The following SRBD1 variants were observed in gnomAD, a reference collection of about 807,000 sequenced individuals.
SRBD1 encodes S1 RNA binding domain 1, also known as S1 RNA-binding domain-containing protein 1.
A neutral mutation model predicts 115.3 loss-of-function variants in SRBD1; 88 were observed. The ratio of observed to expected loss-of-function variants is 0.76; its 90% CI spans 0.64 to 0.91. SRBD1 has a LOEUF of 0.91. Ranked by LOEUF, SRBD1 falls within the 40% of genes least tolerant of loss-of-function variation. The pLI, the probability that SRBD1 is intolerant of heterozygous loss-of-function variation, is 0.00. For synonymous variants in SRBD1, 509 were observed against 407.7 expected (o/e 1.25, Z -2.99); for missense variants, 1,385 against 1,177.4 (o/e 1.18, Z -2.58).
chr2:45,438,416 C>A (rs377496344), intron 16 of SRBD1, among the ~76,000 whole-genome samples: 13 of 152,092 alleles, frequency 8.5e-5, no homozygotes, highest in African/African-American at 1.9e-4. Flanking sequence ...CCAGCAGAAA[C>A]CAAACTAGGA....
intron 1 of SRBD1, among the ~76,000 whole-genome samples, chr2:45,610,679 C>T (rs1421146391): frequency 6.6e-6 from 1 of 152,194 alleles, no homozygotes; most frequent in African/African-American, 2.4e-5. Context: ...AGGCGCACTA[C>T]AGAAGGTGCA....
intron 7 of SRBD1, among the ~76,000 whole-genome samples, chr2:45,576,483 A>G (rs1461438337): frequency 2.6e-5 from 4 of 152,214 alleles, no homozygotes; most frequent in Admixed American, 1.3e-4. Flanking sequence ...ACGGTCAATT[A>G]CATTTTAAAG....
At chr2:45,505,890 C>T (rs1029393960) in intron 14 of SRBD1, among the ~76,000 whole-genome samples, 1 of 152,148 alleles carries the variant, frequency 6.6e-6, no homozygotes, top group Non-Finnish European at 1.5e-5. Context: ...TCTGCCTAAT[C>T]CCTCCTCCCA....
intron 14 of SRBD1, among the ~76,000 whole-genome samples, chr2:45,492,360 A>G (rs982705426): frequency 6.6e-6 from 1 of 152,216 alleles, no homozygotes; most frequent in African/African-American, 2.4e-5. Context: ...AAGGAATGTT[A>G]TTATCATTAT....
chr2:45,504,002 C>G (rs1670720207), intron 14 of SRBD1, among the ~76,000 whole-genome samples: 2 of 152,060 alleles, frequency 1.3e-5, no homozygotes, highest in African/African-American at 4.8e-5. Flanking sequence ...AAGCCCTAAG[C>G]AAGAAGCTTT....
chr2:45,551,967 AATG>A (rs1466984334), intron 11 of SRBD1, among the ~76,000 whole-genome samples: 8 of 152,196 alleles, frequency 5.3e-5, no homozygotes, highest in Non-Finnish European at 1.2e-4. Flanking sequence ...CCAGACAAAA[AATG>A]ATGATGTCCT....
intron 14 of SRBD1, among the ~76,000 whole-genome samples, chr2:45,505,271 G>T (rs1316456028): frequency 6.6e-6 from 1 of 152,164 alleles, no homozygotes; most frequent in Non-Finnish European, 1.5e-5. Context: ...CTCACATGTG[G>T]AGCAAGAAGG....
At chr2:45,425,765 T>C (rs2103655046) in intron 16 of SRBD1, among the ~76,000 whole-genome samples, 1 of 152,096 alleles carries the variant, frequency 6.6e-6, no homozygotes, top group African/African-American at 2.4e-5. Flanking sequence ...AGGGAAGCTG[T>C]GAGGGACCGT....
In SRBD1 at chr2:45,573,356, C is replaced by T. The variant is rs751538421; in HGVS notation, c.1170-14G>A. The T allele has an allele frequency of 2.5e-6, 4 of 1,592,068 alleles. No individual in the cohort carries two copies. In the East Asian group the frequency reaches 9.1e-5, roughly 36 times the overall value. On this transcript the variant is annotated splice_polypyrimidine_tract_variant and intron_variant, in intron 8 of 20. Transcript: ENST00000263736. Reference sequence around the variant, plus strand: ...CTCTTCTGGCACCTGTTCAGATACACAAGTGTTCAAAAAACAAGCAGTTAT... The same window carrying T: ...CTCTTCTGGCACCTGTTCAGATACATAAGTGTTCAAAAAACAAGCAGTTAT...
intron 15 of SRBD1, among the ~76,000 whole-genome samples, chr2:45,486,975 A>C (rs989139751): frequency 1.3e-5 from 2 of 152,070 alleles, no homozygotes; most frequent in African/African-American, 4.8e-5. Context: ...CATGGTAAGG[A>C]GACAGAGATC....
intron 14 of SRBD1, among the ~76,000 whole-genome samples, chr2:45,543,988 G>A (rs541046554): frequency 9.3e-4 from 142 of 152,094 alleles, no homozygotes; most frequent in Non-Finnish European, 1.7e-3. Flanking sequence ...GAAAGAAAAT[G>A]CCTAATAGAG....
At chr2:45,494,457 G>A (rs2103873250) in intron 14 of SRBD1, among the ~76,000 whole-genome samples, 1 of 151,720 alleles carries the variant, frequency 6.6e-6, no homozygotes, top group Non-Finnish European at 1.5e-5. Flanking sequence ...TTTGTTTGTA[G>A]AAGATCTCAA....
At chr2:45,511,798 T>C (rs557069207) in intron 14 of SRBD1, among the ~76,000 whole-genome samples, 56 of 152,362 alleles carry the variant, frequency 3.7e-4, no homozygotes, top group African/African-American at 1.3e-3. Flanking sequence ...TACCAAGCTT[T>C]TTGGCATTGT....
intron 5 of SRBD1, among the ~76,000 whole-genome samples, chr2:45,582,142 T>C (rs1673385691): frequency 2.0e-5 from 3 of 152,224 alleles, no homozygotes; most frequent in Admixed American, 2.0e-4. Context: ...GGGTTACATG[T>C]AGTTGGCATG....
At chr2:45,603,702 G>C (rs1410747568) in intron 2 of SRBD1, among the ~76,000 whole-genome samples, 2 of 151,828 alleles carry the variant, frequency 1.3e-5, no homozygotes, top group Non-Finnish European at 2.9e-5. Flanking sequence ...GCTAATTTTT[G>C]TATTTTTAGT....
chr2:45,502,304 G>C (rs941773315), intron 14 of SRBD1, among the ~76,000 whole-genome samples: 5 of 152,158 alleles, frequency 3.3e-5, no homozygotes, highest in African/African-American at 1.2e-4. Flanking sequence ...AACACCATTT[G>C]ATTTGACCCA....
chr2:45,415,600 AT>A (rs1394727077), intron 18 of SRBD1, among the ~76,000 whole-genome samples: 1 of 138,694 alleles, frequency 7.2e-6, no homozygotes, highest in Non-Finnish European at 1.6e-5. Context: ...TACATAAAAT[AT>A]TTTTATATAT....
intron 19 of SRBD1, among the ~76,000 whole-genome samples, chr2:45,410,473 A>T (rs1012976683): frequency 6.6e-6 from 1 of 152,254 alleles, no homozygotes; most frequent in South Asian, 2.1e-4. Context: ...AAAAACTGGA[A>T]ATAAGCAAGG....
At position 45,477,525 on chromosome 2, in the gene SRBD1, C is replaced by G. The variant is rs575705108; in HGVS notation, c.1967-450G>C. On this transcript the variant is annotated intron_variant, in intron 15 of 20. Coordinates refer to ENST00000263736, the MANE Select transcript of SRBD1 (RefSeq NM_018079.5). ...AGAACTCGATCCCCCAAATAATGAACAAGTGACGGAATTACCTCCTTTTTT... is the reference window on the plus strand; with the variant it reads ...AGAACTCGATCCCCCAAATAATGAAGAAGTGACGGAATTACCTCCTTTTTT... Among the ~76,000 whole-genome samples, 10 of 152,206 alleles carry G rather than the reference C, an allele frequency of 6.6e-5. No homozygotes were observed. The East Asian group carries it at 1.9e-3, about 29-fold the overall frequency.
Sources: allele counts gnomAD v4.1 joint callset (sites outside exome capture counted in the v4.1 genomes callset), GRCh38; gene constraint gnomAD v4.1.1; transcripts MANE v1.5; gene names NCBI Gene and HGNC (gene_info 2026-07-23, HGNC 2026-07-21).